Variants in IST1 observed in about 807,000 individuals in gnomAD.
IST1 encodes IST1 homolog.
Under a neutral mutation model 37.0 loss-of-function variants are expected in IST1, and 23 were observed. That is an observed-to-expected ratio of 0.62 (90% CI 0.45 to 0.88). The LOEUF (loss-of-function observed/expected upper bound fraction) is 0.88. Among genes scored for constraint, IST1 ranks in the 40% least tolerant of loss-of-function variants. The probability of loss-of-function intolerance (pLI) is 0.00; values close to 1 mark genes in which losing one functional copy is unlikely to be tolerated. For missense variants in IST1, 488 were observed against 445.4 expected, an observed-to-expected ratio of 1.10 and a Z score of -0.86; for synonymous variants, 180 against 161.7, an observed-to-expected ratio of 1.11 and a Z score of -0.86.
Position 71,930,545 on chromosome 16 carries a change from G to C in IST1, c.*2732G>C, listed in dbSNP as rs2037909543. On this transcript the variant is annotated 3_prime_UTR_variant, in exon 10 of 10. Coordinates refer to ENST00000378799, the MANE Select transcript of IST1 (RefSeq NM_001270975.2). ...ACACTGAAAGATTAAATGCATACCA[G>C]AAATGAGAATGCACACTGTCTCTGC... 6.1e-6 allele frequency: 1 copy of C among 164,028 alleles called. No homozygotes were observed. 10.2% of individuals were successfully genotyped at this position (164,028 alleles called of 1,614,324 possible). A position where few individuals can be genotyped will look rare whatever the true frequency, so the allele number is the denominator to read the frequency against.
Position 71,921,382 on chromosome 16 carries a change from C to G in IST1, c.481C>G (p.Leu161Val). 6.2e-7 allele frequency: 1 copy of G among 1,613,614 alleles called. No homozygotes were observed. Among genetic ancestry groups the G allele is most frequent in the East Asian group, 2.2e-5 (1 of 44,884 alleles). Reference protein sequence around the residue: ...KLSVEAPPKILVERYLIEIAK... With the variant: ...KLSVEAPPKIVVERYLIEIAK... ...GAGTGTGGAAGCCCCACCCAAAATC[C>G]TGGTGGAGAGATACCTGATTGAAAT... Residue 161 changes from leucine to valine, a missense_variant, in exon 6 of 10, where the codon CTG (leucine) becomes GTG (valine). Coordinates refer to ENST00000378799, the MANE Select transcript of IST1 (RefSeq NM_001270975.2).
chr16:71,901,375 A>G (rs1456903783), intron 1 of IST1, among the ~76,000 whole-genome samples: 2 of 151,954 alleles, frequency 1.3e-5, no homozygotes, highest in Non-Finnish European at 2.9e-5. Flanking sequence ...CACCACACCC[A>G]GCTAATTTTT....
intron 9 of IST1, 68 bp downstream of exon 9, chr16:71,924,885 T>C (rs1343349413): frequency 3.6e-6 from 4 of 1,110,760 alleles, no homozygotes; most frequent in Non-Finnish European, 4.1e-6. Context: ...TCATTATTGT[T>C]CCTCCCTTAG....
intron 1 of IST1, among the ~76,000 whole-genome samples, chr16:71,900,190 T>G (rs1402631498): frequency 6.7e-6 from 1 of 148,712 alleles, no homozygotes; most frequent in African/African-American, 2.5e-5. Flanking sequence ...AAGATCAGAA[T>G]AAATAAAATA....
At position 71,916,481 on chromosome 16, in the gene IST1, A is replaced by G. The variant is rs768080859; in HGVS notation, c.108A>G (p.Ala36=). The part of the protein sequence containing the change: ...EKKKTELAQK[A]RKEIADYLAA... ...TCTTAGCGGAACTGGCCCAGAAAGC[A>G]AGGAAGGAGATTGCTGACTATCTGG... The change falls in exon 3 of 10, where the codon GCA becomes GCG. Residue 36 remains alanine (A), a synonymous_variant. Coordinates refer to ENST00000378799, the MANE Select transcript of IST1 (RefSeq NM_001270975.2). The G allele has an allele frequency of 1.9e-6, 3 of 1,612,558 alleles. No homozygotes were observed. Among genetic ancestry groups the G allele is most frequent in the Non-Finnish European group, 2.5e-6 (3 of 1,179,806 alleles).
In IST1 at chr16:71,917,969, T is replaced by C. The variant is rs185412818; in HGVS notation, c.357+835T>C. On this transcript the variant is annotated intron_variant, in intron 4 of 9. Coordinates refer to ENST00000378799, the MANE Select transcript of IST1 (RefSeq NM_001270975.2). ...AGATTTAGTGGTCCTTGGCTGTCGG[T>C]TTACATTTAAGAGTGAGGCACTAAA... 3.9e-3 allele frequency among the ~76,000 whole-genome samples: 593 copies of C among 152,318 alleles called. 7 individuals are homozygous for C. The highest frequency in any genetic ancestry group is 0.034 in the South Asian group (163 of 4,824).
intron 1 of IST1, among the ~76,000 whole-genome samples, chr16:71,900,430 G>T (rs889676665): frequency 6.8e-6 from 1 of 146,720 alleles, no homozygotes; most frequent in East Asian, 2.1e-4. Context: ...TTGGGCAGCA[G>T]TTCTGATTCT....
chr16:71,908,839 C>T (rs566342178), intron 1 of IST1, among the ~76,000 whole-genome samples: 20 of 152,154 alleles, frequency 1.3e-4, no homozygotes, highest in African/African-American at 4.8e-4. Flanking sequence ...ATAAACTCGC[C>T]GCCAGTTTAT....
intron 6 of IST1, among the ~76,000 whole-genome samples, chr16:71,922,209 C>T (rs936008868): frequency 3.9e-5 from 6 of 152,110 alleles, no homozygotes; most frequent in African/African-American, 1.4e-4. Flanking sequence ...ACTGCTCAGA[C>T]ATCCCTATTA....
chr16:71,920,328 A>C (rs769969017), intron 4 of IST1, among the ~76,000 whole-genome samples: 2 of 152,234 alleles, frequency 1.3e-5, no homozygotes, highest in African/African-American at 4.8e-5. Flanking sequence ...CGGCTTAACA[A>C]AGAGTTATTA....
rs1260154986 is a variant in IST1, at chr16:71,916,557, G to T, written c.184G>T (p.Glu62Ter). The T allele has an allele frequency of 6.2e-7, 1 of 1,613,866 alleles. No homozygotes were observed. Among genetic ancestry groups the T allele is most frequent in the Non-Finnish European group, 8.5e-7 (1 of 1,179,878 alleles). ...ARIRVEHIIREDYLVEAMEIL... is the reference protein window; with the variant it reads ...ARIRVEHIIR ...GATCCGTGTGGAGCACATTATCCGG[G>T]AAGACTACCTCGTGGAGGCCATGGA... Residue 62 changes from glutamate to a stop codon, truncating the protein, a stop_gained, in exon 3 of 10, where the codon GAA becomes TAA. Coordinates refer to ENST00000378799, the MANE Select transcript of IST1 (RefSeq NM_001270975.2). LOFTEE classifies it high-confidence loss of function.
Position 71,929,993 on chromosome 16 carries a change from T to G in IST1, c.*2180T>G. Reference sequence around the variant, plus strand: ...TGTCAGCCCGTCATCTTAGGGGCAGTTACAGTGGAGCTTTCCCAGTGATAT... The same window carrying G: ...TGTCAGCCCGTCATCTTAGGGGCAGGTACAGTGGAGCTTTCCCAGTGATAT... On this transcript the variant is annotated 3_prime_UTR_variant, in exon 10 of 10. Transcript: ENST00000378799. The G allele has an allele frequency of 6.7e-7, 1 of 1,493,854 alleles. No homozygotes were observed. Among genetic ancestry groups the G allele is most frequent in the Non-Finnish European group, 9.0e-7 (1 of 1,113,648 alleles). The allele number at this position is 1,493,854 out of a possible 1,614,324, so 92.5% of individuals were successfully genotyped here. A position where few individuals can be genotyped will look rare whatever the true frequency, so the allele number is the denominator to read the frequency against.
intron 1 of IST1, among the ~76,000 whole-genome samples, chr16:71,910,588 A>G (rs2037331101): frequency 6.7e-6 from 1 of 150,354 alleles, no homozygotes; most frequent in Admixed American, 6.7e-5. Flanking sequence ...CCTGGGTGAC[A>G]GAGCAAGACT....
intron 9 of IST1, among the ~76,000 whole-genome samples, chr16:71,925,456 T>C (rs2037719592): frequency 6.6e-6 from 1 of 151,610 alleles, no homozygotes; most frequent in South Asian, 2.1e-4. Flanking sequence ...GCTGGGATTA[T>C]AGGCACACGC....
At chr16:71,909,220 A>C (rs1202823624) in intron 1 of IST1, among the ~76,000 whole-genome samples, 1 of 146,040 alleles carries the variant, frequency 6.8e-6, no homozygotes, top group African/African-American at 2.6e-5. Flanking sequence ...TGAGCCTCCC[A>C]CCTCACCCTT....
chr16:71,894,535 C>G, upstream of IST1: 1 of 270,624 alleles, frequency 3.7e-6, no homozygotes, highest in Non-Finnish European at 7.1e-6. Flanking sequence ...CGTGAGCCAC[C>G]GCACCCGGCC....
rs545642436 is a variant in IST1 at position 71,922,650 on chromosome 16, G to A, written c.729G>A (p.Thr243=). The A allele has an allele frequency of 2.7e-5, 43 of 1,612,974 alleles. No homozygotes were observed. Among genetic ancestry groups the A allele is most frequent in the Middle Eastern group, 1.7e-4 (1 of 6,060 alleles). Residue 243 remains threonine, a synonymous_variant, in exon 7 of 10, where the codon ACG becomes ACA. Coordinates refer to ENST00000378799, the MANE Select transcript of IST1 (RefSeq NM_001270975.2). ...CCATGCCTATGCCATCTGCAAATAC[G>A]CCTTTCTCATATCCACTGCCAAAGG... ...PMPMPMPSAN[T]PFSYPLPKGP... is the part of the protein sequence containing the mutation.
rs1314410351 is a variant in IST1 at position 71,921,387 on chromosome 16, G to T, written c.486G>T (p.Val162=). The stretch of plus-strand genomic sequence containing the variant: ...TGGAAGCCCCACCCAAAATCCTGGT[G>T]GAGAGATACCTGATTGAAATTGCAA... ...LSVEAPPKIL[V]ERYLIEIAKN... is the part of the protein sequence containing the mutation. The change falls in exon 6 of 10, where the codon GTG becomes GTT. Residue 162 remains valine, a synonymous_variant. Transcript: ENST00000378799. 3 of 1,613,602 alleles carry T rather than the reference G, an allele frequency of 1.9e-6. No homozygotes were observed. The highest frequency in any genetic ancestry group is 2.5e-6 in the Non-Finnish European group (3 of 1,179,820).
intron 8 of IST1, chr16:71,924,272 T>A: frequency 2.3e-6 from 1 of 434,698 alleles, no homozygotes; most frequent in Non-Finnish European, 4.6e-6. Flanking sequence ...ATTAAAGTTG[T>A]CTTAGTATGG....
Sources: allele counts gnomAD v4.1 joint callset (sites outside exome capture counted in the v4.1 genomes callset), GRCh38; gene constraint gnomAD v4.1.1; transcripts MANE v1.5; gene names NCBI Gene and HGNC (gene_info 2026-07-23, HGNC 2026-07-21).